Variants in STPG2 observed in about 807,000 individuals in gnomAD.
The protein encoded by STPG2 is sperm tail PG-rich repeat containing 2.
STPG2 carries 56 observed loss-of-function variants against 54.2 expected under a neutral mutation model. The observed-to-expected ratio is 1.03, with a 90% CI of 0.83 to 1.29. The LOEUF (loss-of-function observed/expected upper bound fraction) is 1.29, where lower values mean the gene tolerates loss of function less well. Ranked by LOEUF, STPG2 falls within the 50% of genes most tolerant of loss-of-function variation. The probability of loss-of-function intolerance (pLI) is 0.00; values close to 1 mark genes in which losing one functional copy is unlikely to be tolerated. For missense variants in STPG2, 596 were observed against 544.9 expected (o/e 1.09, Z -0.93); for synonymous variants, 200 against 181.8 (o/e 1.10, Z -0.81).
chr4:97,492,556 T>C (rs149440041), intron 4 of STPG2, among the ~76,000 whole-genome samples: 24 of 151,534 alleles, frequency 1.6e-4, no homozygotes, highest in African/African-American at 5.8e-4. Flanking sequence ...CTATAGAAAA[T>C]AGTTAGATTC....
intron 7 of STPG2, among the ~76,000 whole-genome samples, chr4:97,947,953 C>A (rs1733302892): frequency 1.3e-5 from 2 of 151,884 alleles, no homozygotes. Context: ...CTTTCTCAAT[C>A]TTTTGTAATA....
intron 8 of STPG2, among the ~76,000 whole-genome samples, chr4:97,888,190 A>C (rs557638342): frequency 1.1e-4 from 17 of 152,298 alleles, no homozygotes; most frequent in African/African-American, 3.8e-4. Context: ...GACCCCAAAC[A>C]CAGGTTCCAC....
intron 10 of STPG2, among the ~76,000 whole-genome samples, chr4:97,657,650 G>C (rs1489657454): frequency 6.6e-6 from 1 of 152,016 alleles, no homozygotes; most frequent in Non-Finnish European, 1.5e-5. Context: ...TCAACTAATA[G>C]GTCACTGCAG....
At chr4:97,836,732 T>C (rs948267496) in intron 9 of STPG2, among the ~76,000 whole-genome samples, 2 of 151,630 alleles carry the variant, frequency 1.3e-5, no homozygotes, top group African/African-American at 4.8e-5. Flanking sequence ...TCTGTCAATC[T>C]ACCTCTTCAT....
chr4:97,633,030 C>G (rs1721344011), intron 10 of STPG2, among the ~76,000 whole-genome samples: 1 of 152,050 alleles, frequency 6.6e-6, no homozygotes, highest in African/African-American at 2.4e-5. Context: ...ATAGATATTT[C>G]TCCCAAATAT....
chr4:97,845,349 A>G (rs1480006384), intron 8 of STPG2, among the ~76,000 whole-genome samples: 1 of 151,918 alleles, frequency 6.6e-6, no homozygotes, highest in Non-Finnish European at 1.5e-5. Context: ...CATTTAAGCC[A>G]TTTCTCATTT....
intron 4 of STPG2, among the ~76,000 whole-genome samples, chr4:97,498,469 G>A (rs1730656638): frequency 6.6e-6 from 1 of 151,684 alleles, no homozygotes; most frequent in Non-Finnish European, 1.5e-5. Flanking sequence ...GAATTTTGTT[G>A]TTATTTAATT....
chr4:97,442,227 GT>G (rs777060566), intron 4 of STPG2, among the ~76,000 whole-genome samples: 10 of 141,332 alleles, frequency 7.1e-5, no homozygotes, highest in Admixed American at 7.0e-5. Flanking sequence ...GTTTTTTTTT[GT>G]TTTTTTTTTA....
At chr4:97,903,838 A>G (rs916423056) in intron 8 of STPG2, among the ~76,000 whole-genome samples, 2 of 152,222 alleles carry the variant, frequency 1.3e-5, no homozygotes, top group African/African-American at 4.8e-5. Flanking sequence ...AAGGGGTGAC[A>G]GATGGCACCT....
At chr4:97,772,444 C>T (rs959893474) in intron 9 of STPG2, among the ~76,000 whole-genome samples, 3 of 152,074 alleles carry the variant, frequency 2.0e-5, no homozygotes, top group Non-Finnish European at 4.4e-5. Flanking sequence ...AGTCAATACC[C>T]TTTTTACCAG....
At chr4:97,547,461 C>T (rs1395228438) in intron 4 of STPG2, among the ~76,000 whole-genome samples, 3 of 152,164 alleles carry the variant, frequency 2.0e-5, no homozygotes, top group East Asian at 1.9e-4. Flanking sequence ...TCACCCGCCT[C>T]GGCCTCCCAA....
chr4:97,708,784 T>C (rs1056772462), intron 10 of STPG2, among the ~76,000 whole-genome samples: 5 of 151,684 alleles, frequency 3.3e-5, no homozygotes, highest in African/African-American at 1.2e-4. Context: ...TAGTATAAAA[T>C]TATTCTATCC....
chr4:97,564,882 G>C (rs146180985), intron 10 of STPG2, among the ~76,000 whole-genome samples: 2,276 of 152,098 alleles, frequency 0.015, 51 homozygotes, highest in African/African-American at 0.052. Context: ...TCCTTCATTT[G>C]AACTTTGGTG....
intron 9 of STPG2, among the ~76,000 whole-genome samples, chr4:97,734,442 C>T (rs146239125): frequency 8.3e-4 from 127 of 152,210 alleles, no homozygotes; most frequent in African/African-American, 2.9e-3. Flanking sequence ...CCAATGGGCC[C>T]CAGAGTGTGG....
intron 10 of STPG2, among the ~76,000 whole-genome samples, chr4:97,651,741 A>C (rs1422653001): frequency 5.9e-5 from 9 of 152,008 alleles, no homozygotes; most frequent in Non-Finnish European, 1.0e-4. Flanking sequence ...AGAAATAGTT[A>C]AGAGCAAACT....
At chr4:97,558,542 TATAG>T (rs2148872073), downstream of STPG2, among the ~76,000 whole-genome samples, 1 of 152,280 alleles carries the variant, frequency 6.6e-6, no homozygotes, top group South Asian at 2.1e-4. Flanking sequence ...TATGCTACGC[TATAG>T]AGAGATCCAC....
In STPG2 at chr4:97,490,584, C is replaced by T. The variant is rs76341659; in HGVS notation, c.462+222115G>A. ...TTTAAAAACTCAGTGAAGGAGTACTCGCTTCCCTGTACCTCCTGGTTTCAC... is the reference window on the plus strand; with the variant it reads ...TTTAAAAACTCAGTGAAGGAGTACTTGCTTCCCTGTACCTCCTGGTTTCAC... On this transcript the variant is annotated intron_variant, in intron 4 of 4. Transcript: ENST00000522676. 5.3e-3 allele frequency among the ~76,000 whole-genome samples: 797 copies of T among 151,602 alleles called. 5 individuals carry two copies. The highest frequency in any genetic ancestry group is 0.018 in the African/African-American group (756 of 41,442).
rs547140218 is a variant in STPG2 at position 98,098,133 on chromosome 4, T to C, written c.612+7820A>G. Among the ~76,000 whole-genome samples the C allele has an allele frequency of 1.2e-4, 18 of 152,158 alleles. No individual in the cohort carries two copies. In the South Asian group the frequency reaches 3.5e-3, roughly 30 times the overall value. On this transcript the variant is annotated intron_variant, in intron 5 of 10. Coordinates refer to ENST00000295268, the MANE Select transcript of STPG2 (RefSeq NM_174952.3). The stretch of plus-strand genomic sequence containing the variant: ...ACAAAAAGAAAAAAACATCCTAAAA[T>C]GTATGTGGAATCACAAAAGACCCAA...
chr4:97,997,181 A>G (rs1483191490), intron 5 of STPG2, among the ~76,000 whole-genome samples: 1 of 152,240 alleles, frequency 6.6e-6, no homozygotes, highest in East Asian at 1.9e-4. Flanking sequence ...AAGGCATGGA[A>G]TCAATCTGAA....
Sources: gnomAD v4.1 joint callset for allele counts (sites outside exome capture counted in the v4.1 genomes callset) on GRCh38, gnomAD v4.1.1 for gene constraint, MANE v1.5 for transcripts, NCBI Gene and HGNC (gene_info 2026-07-23, HGNC 2026-07-21) for gene names.